The following SEL1L2 variants were observed in gnomAD, a reference collection of about 807,000 sequenced individuals.
SEL1L2 encodes the protein protein sel-1 homolog 2.
In SEL1L2, 89 loss-of-function variants were observed where a neutral mutation model predicts 98.8. That is an observed-to-expected ratio of 0.90 (90% CI 0.76 to 1.07). The LOEUF is 1.07. SEL1L2 is among the 50% of genes least tolerant of loss of function. The probability of loss-of-function intolerance (pLI) is 0.00; values close to 1 mark genes in which losing one functional copy is unlikely to be tolerated. For synonymous variants in SEL1L2, 262 were observed against 278.5 expected, an observed-to-expected ratio of 0.94 and a Z score of 0.59; for missense variants, 788 against 812.0, an observed-to-expected ratio of 0.97 and a Z score of 0.36.
chr20:13,951,429 G>A (rs1326826681), intron 2 of SEL1L2, among the ~76,000 whole-genome samples: 13 of 142,836 alleles, frequency 9.1e-5, no homozygotes, highest in African/African-American at 2.9e-4. Context: ...GTGAAACCCC[G>A]TCTCTACTAA....
chr20:13,869,703 T>C (rs1332235308), intron 13 of SEL1L2, 113 bp from the exon 14 acceptor site: 3 of 687,532 alleles, frequency 4.4e-6, no homozygotes, highest in Non-Finnish European at 7.7e-6. Flanking sequence ...TTTAGGGTAA[T>C]TAAAATAGTA....
chr20:13,852,903 C>T (rs1009683732), intron 18 of SEL1L2, among the ~76,000 whole-genome samples: 1 of 151,988 alleles, frequency 6.6e-6, no homozygotes, highest in African/African-American at 2.4e-5. Context: ...ATGGGAAGGT[C>T]GTTTTTGACT....
At position 13,893,065 on chromosome 20, in the gene SEL1L2, C is replaced by G. The variant is rs369265499; in HGVS notation, c.550-4553G>C. On this transcript the variant is annotated intron_variant, in intron 5 of 19. Transcript: ENST00000284951. Reference sequence around the variant, plus strand: ...TCTTCAATTGACCCCAACAGACCACCTGGTGCCTCCCAACTGAACACCTGG... The same window carrying G: ...TCTTCAATTGACCCCAACAGACCACGTGGTGCCTCCCAACTGAACACCTGG... 1.8e-4 allele frequency among the ~76,000 whole-genome samples: 27 copies of G among 152,314 alleles called. No individual in the cohort carries two copies. The South Asian group carries it at 2.5e-3, about 14-fold the overall frequency.
chr20:13,914,999 C>T (rs1054972937), intron 4 of SEL1L2: 6 of 784,116 alleles, frequency 7.7e-6, no homozygotes, highest in Non-Finnish European at 8.7e-6. Flanking sequence ...TTTATAACTT[C>T]GTTTTGAAGG....
At chr20:13,963,372 T>G (rs1476861439) in intron 1 of SEL1L2, among the ~76,000 whole-genome samples, 2 of 106,826 alleles carry the variant, frequency 1.9e-5, no homozygotes, top group African/African-American at 7.4e-5. Flanking sequence ...AGTTTCCCAA[T>G]CTAAACAATC....
chr20:13,939,040 G>GGTTTTTTGTTTTTTTTTTTTTT, intron 2 of SEL1L2, among the ~76,000 whole-genome samples: 1 of 114,072 alleles, frequency 8.8e-6, no homozygotes, highest in Non-Finnish European at 1.7e-5. Context: ...TGCTTGTTTT[G>GGTTTTTTGTTTTTTTTTTTTTT]TTTTTTTTTT....
In SEL1L2 at chr20:13,955,706, T is replaced by C. The variant is rs574265558; in HGVS notation, c.114+370A>G. On this transcript the variant is annotated intron_variant, in intron 2 of 19. Transcript: ENST00000284951. The stretch of plus-strand genomic sequence containing the variant: ...CAAAATGTGCAAAGACATCATAAGA[T>C]TGATAACGTTTAATAAGCATCTGTG... Among the ~76,000 whole-genome samples, 5 of 152,326 alleles carry C rather than the reference T, an allele frequency of 3.3e-5. No homozygotes were observed. In the South Asian group the frequency reaches 1.0e-3, roughly 32 times the overall value.
intron 18 of SEL1L2, 136 bp from the exon 19 acceptor site, chr20:13,850,455 C>T: frequency 1.1e-6 from 1 of 912,926 alleles, no homozygotes. Flanking sequence ...CCAAGTGGAC[C>T]TCAGATAATC....
At chr20:13,965,221 CAGG>C (rs2050984217) in intron 1 of SEL1L2, among the ~76,000 whole-genome samples, 1 of 152,178 alleles carries the variant, frequency 6.6e-6, no homozygotes. Context: ...ACACAGGTAA[CAGG>C]AGAATCCAGA....
At chr20:13,940,981 A>C (rs1271448623) in intron 2 of SEL1L2, among the ~76,000 whole-genome samples, 3 of 152,234 alleles carry the variant, frequency 2.0e-5, no homozygotes, top group Non-Finnish European at 4.4e-5. Flanking sequence ...GACTCAGCTG[A>C]GTGCAGAAGC....
chr20:13,926,351 A>C (rs2048905696), intron 3 of SEL1L2, among the ~76,000 whole-genome samples: 1 of 152,082 alleles, frequency 6.6e-6, no homozygotes, highest in Non-Finnish European at 1.5e-5. Flanking sequence ...AAATTCAAAA[A>C]AAGTGACCTT....
chr20:13,863,018 A>G (rs930554236), intron 17 of SEL1L2, among the ~76,000 whole-genome samples: 1 of 152,132 alleles, frequency 6.6e-6, no homozygotes, highest in Non-Finnish European at 1.5e-5. Context: ...TAGCTGGCAA[A>G]GACATTAGTT....
At chr20:13,939,984 A>C (rs1013683704) in intron 2 of SEL1L2, among the ~76,000 whole-genome samples, 2 of 152,210 alleles carry the variant, frequency 1.3e-5, no homozygotes. Flanking sequence ...CTATTCTTTA[A>C]AAGTCATACA....
chr20:13,990,356 A>G, intron 1 of SEL1L2, 121 bp downstream of exon 1: 1 of 695,826 alleles, frequency 1.4e-6, no homozygotes, highest in Non-Finnish European at 2.6e-6. Context: ...CTGTACAAAA[A>G]TGGCATTAGT....
intron 1 of SEL1L2, among the ~76,000 whole-genome samples, chr20:13,974,475 C>CTCTCT (rs71335938): frequency 1.2e-5 from 1 of 80,188 alleles, no homozygotes; most frequent in Non-Finnish European, 2.2e-5. Context: ...CTCTCTCTCT[C>CTCTCT]TTTTTTTTTT....
At chr20:13,920,840 C>T (rs762680503) in intron 3 of SEL1L2, among the ~76,000 whole-genome samples, 24 of 151,508 alleles carry the variant, frequency 1.6e-4, no homozygotes, top group Non-Finnish European at 4.4e-5. Context: ...AATTTAAAAA[C>T]TAAAAAAATT....
At chr20:13,979,237 G>T (rs2051693644) in intron 1 of SEL1L2, among the ~76,000 whole-genome samples, 1 of 152,164 alleles carries the variant, frequency 6.6e-6, no homozygotes, top group Non-Finnish European at 1.5e-5. Flanking sequence ...TAGAATTGTG[G>T]TTATTAGATA....
At chr20:13,980,478 G>T (rs1221206657) in intron 1 of SEL1L2, among the ~76,000 whole-genome samples, 2 of 152,168 alleles carry the variant, frequency 1.3e-5, no homozygotes, top group African/African-American at 4.8e-5. Context: ...AGAGTGCTGG[G>T]ATTACAGGTG....
At chr20:13,864,545 A>G (rs1170879448) in intron 17 of SEL1L2, among the ~76,000 whole-genome samples, 3 of 152,190 alleles carry the variant, frequency 2.0e-5, no homozygotes, top group African/African-American at 7.2e-5. Context: ...ACCACCTGCC[A>G]ATGCTTTTCC....
Sources: allele counts gnomAD v4.1 joint callset (sites outside exome capture counted in the v4.1 genomes callset), GRCh38; gene constraint gnomAD v4.1.1; transcripts MANE v1.5; gene names NCBI Gene and HGNC (gene_info 2026-07-23, HGNC 2026-07-21).